CEP44: variants seen among roughly 807,000 people sequenced by gnomAD.
CEP44 encodes the protein centrosomal protein 44.
In CEP44, 45 loss-of-function variants were observed where a neutral mutation model predicts 46.7. The observed-to-expected ratio is 0.96, with a 90% CI of 0.76 to 1.24. The LOEUF (loss-of-function observed/expected upper bound fraction) is 1.24. Among genes scored for constraint, CEP44 ranks in the 50% most tolerant of loss-of-function variants. The pLI is 0.00. For missense variants in CEP44, 475 were observed against 459.7 expected, an observed-to-expected ratio of 1.03 and a Z score of -0.30; for synonymous variants, 142 against 146.0, an observed-to-expected ratio of 0.97 and a Z score of 0.20.
At chr4:174,295,477 G>A (rs1332522326) in intron 1 of CEP44, among the ~76,000 whole-genome samples, 1 of 151,172 alleles carries the variant, frequency 6.6e-6, no homozygotes, top group South Asian at 2.1e-4. Flanking sequence ...GATGGCGGCC[G>A]GGCAGAGACG....
chr4:174,290,193 C>A lies in CEP44; in HGVS notation c.-148+6250C>A, dbSNP rs543494374. Among the ~76,000 whole-genome samples, 8 of 152,142 alleles carry A rather than the reference C, an allele frequency of 5.3e-5. No homozygotes were observed. The East Asian group carries it at 7.7e-4, about 15-fold the overall frequency. The stretch of plus-strand genomic sequence containing the variant: ...AATGAATTTATTGCTATAAACACTT[C>A]TCTTATTCTGCTTTTACTGCATCCT... On this transcript the variant is annotated intron_variant, in intron 1 of 11. Transcript: ENST00000503780. This position sits in a 1 kb window ranked among gnomAD's most constrained non-coding sequence, Gnocchi z 4.3.
At chr4:174,332,122 A>G (rs1032301498) in exon 9 of CEP44, 6 of 152,916 alleles carry the variant, frequency 3.9e-5, no homozygotes, top group African/African-American at 1.2e-4. Context: ...GAGTCCAACA[A>G]TGGCTGAGGG....
Position 174,301,459 on chromosome 4 carries a change from A to G in CEP44, c.90-580A>G, listed in dbSNP as rs146815769. Among the ~76,000 whole-genome samples the G allele has an allele frequency of 1.3e-5, 2 of 152,174 alleles. No individual in the cohort carries two copies. The highest frequency in any genetic ancestry group is 2.4e-5 in the African/African-American group (1 of 41,464). On this transcript the variant is annotated intron_variant, in intron 3 of 11. Transcript: ENST00000503780. This position sits in a 1 kb window ranked among gnomAD's most constrained non-coding sequence, Gnocchi z 4.3. ...TTTGTAAAAAATAAATAATAATTGGATAAGCAAAGAAGAGTGGGATACCTT... is the reference window on the plus strand; with the variant it reads ...TTTGTAAAAAATAAATAATAATTGGGTAAGCAAAGAAGAGTGGGATACCTT...
chr4:174,321,969 G>A (rs1211895326), downstream of CEP44, among the ~76,000 whole-genome samples: 1 of 151,988 alleles, frequency 6.6e-6, no homozygotes, highest in Non-Finnish European at 1.5e-5. Context: ...CTTCAGATTT[G>A]CCATCTTCTG....
At chr4:174,324,979 C>T (rs1253400087), downstream of CEP44, among the ~76,000 whole-genome samples, 2 of 152,114 alleles carry the variant, frequency 1.3e-5, no homozygotes, top group African/African-American at 2.4e-5. Flanking sequence ...GTTTCATCTG[C>T]GTTGTGCTGG....
chr4:174,291,705 A>G (rs1442564167), intron 1 of CEP44, among the ~76,000 whole-genome samples: 2 of 150,536 alleles, frequency 1.3e-5, no homozygotes, highest in Admixed American at 6.6e-5. Context: ...TTGTTAGGGC[A>G]TGTCTAAAAG....
chr4:174,320,704 A>ATG (rs796604982), downstream of CEP44, among the ~76,000 whole-genome samples: 715 of 125,322 alleles, frequency 5.7e-3, 4 homozygotes, highest in Non-Finnish European at 8.8e-3. Context: ...GTGTGTGTGT[A>ATG]TGTGTGTGTG....
Position 174,319,157 on chromosome 4 carries a change from T to A in CEP44, c.*1774T>A. 1.0e-6 allele frequency: 1 copy of A among 984,674 alleles called. No individual in the cohort carries two copies. 61.0% of individuals were successfully genotyped at this position (984,674 alleles called of 1,614,324 possible). A position where few individuals can be genotyped will look rare whatever the true frequency, so the allele number is the denominator to read the frequency against. ...GTTGGTCATCAGAACTTTAAAATGG[T>A]AGCCTACAGAAACATACAATTTTGA... On this transcript the variant is annotated 3_prime_UTR_variant, in exon 12 of 12. Coordinates refer to ENST00000503780, the MANE Select transcript of CEP44 (RefSeq NM_001040157.3).
In CEP44 at chr4:174,297,651, A is replaced by AGTGTGTGTGTGT. The variant is rs70947423; in HGVS notation, c.-147-292_-147-281dup. 3.9e-4 allele frequency among the ~76,000 whole-genome samples: 58 copies of AGTGTGTGTGTGT among 149,068 alleles called. No homozygotes were observed. The highest frequency in any genetic ancestry group is 3.5e-3 in the Middle Eastern group (1 of 286). Reference sequence around the variant, plus strand: ...CTGAGATATAGGAAGAAACTTTATTAGTGTGTGTGTGTGTGTGTGTGTGTG... The same window carrying AGTGTGTGTGTGT: ...CTGAGATATAGGAAGAAACTTTATTAGTGTGTGTGTGTGTGTGTGTGTGTGTGTGTGTGTGTG... On this transcript the variant is annotated intron_variant, in intron 1 of 11. Coordinates refer to ENST00000503780, the MANE Select transcript of CEP44 (RefSeq NM_001040157.3). This position sits in a 1 kb window ranked among gnomAD's most constrained non-coding sequence, Gnocchi z 4.3.
chr4:174,295,548 C>T (rs942942380), intron 1 of CEP44, among the ~76,000 whole-genome samples: 22 of 151,538 alleles, frequency 1.5e-4, no homozygotes, highest in African/African-American at 4.4e-4. Flanking sequence ...AGACGATGGG[C>T]GGCCAGGCAG....
At chr4:174,307,252 A>G (rs1251610539) in intron 6 of CEP44, among the ~76,000 whole-genome samples, 3 of 152,200 alleles carry the variant, frequency 2.0e-5, no homozygotes, top group Non-Finnish European at 4.4e-5. Flanking sequence ...TGGTACTAGT[A>G]CCAGAACAGA....
chr4:174,297,324 C>T lies in CEP44; in HGVS notation c.-147-642C>T, dbSNP rs1739154259. 6.6e-6 allele frequency among the ~76,000 whole-genome samples: 1 copy of T among 151,530 alleles called. No homozygotes were observed. Among genetic ancestry groups the T allele is most frequent in the Non-Finnish European group, 1.5e-5 (1 of 67,872 alleles). ...ATTTCCACCAAATTTTTCTTCTCTG[C>T]TTATTTTGTTTAAGGTATTTATATA... On this transcript the variant is annotated intron_variant, in intron 1 of 11. Transcript: ENST00000503780. This position sits in a 1 kb window ranked among gnomAD's most constrained non-coding sequence, Gnocchi z 4.3.
chr4:174,324,527 G>A (rs1477543998), downstream of CEP44, among the ~76,000 whole-genome samples: 1 of 152,182 alleles, frequency 6.6e-6, no homozygotes, highest in Non-Finnish European at 1.5e-5. Context: ...GAGAGTTTCA[G>A]TTGCTCAGCA....
At chr4:174,328,026 G>T (rs1731075300) in intron 8 of CEP44, among the ~76,000 whole-genome samples, 1 of 152,116 alleles carries the variant, frequency 6.6e-6, no homozygotes, top group Non-Finnish European at 1.5e-5. Context: ...AAATAAATTT[G>T]ATATTAAAAT....
At chr4:174,300,798 C>G (rs1291053864) in intron 3 of CEP44, among the ~76,000 whole-genome samples, 2 of 151,952 alleles carry the variant, frequency 1.3e-5, no homozygotes, top group Non-Finnish European at 2.9e-5. Context: ...GTGTTGGCAT[C>G]TGTTTTTCTT....
intron 4 of CEP44, 65 bp from the exon 5 acceptor site, chr4:174,303,638 A>G (rs1193875316): frequency 9.5e-7 from 1 of 1,053,262 alleles, no homozygotes; most frequent in Non-Finnish European, 1.4e-6. Flanking sequence ...CCAGGTGGGC[A>G]TTATCATTTG....
At chr4:174,320,704 A>ATGTGTGTGTGTGTGTGTGTGTGTATG (rs796604982), downstream of CEP44, among the ~76,000 whole-genome samples, 3 of 125,242 alleles carry the variant, frequency 2.4e-5, no homozygotes, top group Non-Finnish European at 5.3e-5. Flanking sequence ...GTGTGTGTGT[A>ATGTGTGTGTGTGTGTGTGTGTGTATG]TGTGTGTGTG....
rs146580225 is a variant in CEP44, at chr4:174,290,320, T to C, written c.-148+6377T>C. Among the ~76,000 whole-genome samples the C allele has an allele frequency of 3.3e-3, 505 of 152,142 alleles. No homozygotes were observed. The highest frequency in any genetic ancestry group is 0.012 in the African/African-American group (489 of 41,570). ...GACCCAGTATTATTTAATAGTATGT[T>C]ATTTAATTCCCCTGTATTTGTGAAT... On this transcript the variant is annotated intron_variant, in intron 1 of 11. Coordinates refer to ENST00000503780, the MANE Select transcript of CEP44 (RefSeq NM_001040157.3). The surrounding 1 kb of genome is among the most constrained non-coding windows in gnomAD (Gnocchi z 4.3).
intron 8 of CEP44, among the ~76,000 whole-genome samples, chr4:174,328,412 TATTTCC>T (rs1731117061): frequency 6.6e-6 from 1 of 152,224 alleles, no homozygotes; most frequent in Non-Finnish European, 1.5e-5. Flanking sequence ...ATAAATTTTG[TATTTCC>T]ATAGTAACTA....
Sources: gnomAD v4.1 joint callset for allele counts (sites outside exome capture counted in the v4.1 genomes callset) on GRCh38, gnomAD v4.1.1 for gene constraint, Gnocchi (gnomAD v3.1) non-coding constraint, MANE v1.5 for transcripts, NCBI Gene and HGNC (gene_info 2026-07-23, HGNC 2026-07-21) for gene names.